Variants in USP32 observed in about 807,000 individuals in gnomAD.
USP32 encodes the protein ubiquitin carboxyl-terminal hydrolase 32.
In USP32, 59 loss-of-function variants were observed where a neutral mutation model predicts 204.8. The observed-to-expected ratio is 0.29, with a 90% CI of 0.23 to 0.36. USP32 has a LOEUF of 0.36. Among genes scored for constraint, USP32 ranks in the 10% least tolerant of loss-of-function variants. USP32 has a pLI of 1.00. For missense variants in USP32, 1,160 were observed against 1,946.4 expected (o/e 0.60, Z 7.60); for synonymous variants, 517 against 678.4 (o/e 0.76, Z 3.70).
intron 1 of USP32, among the ~76,000 whole-genome samples, chr17:60,420,395 C>T (rs2090101306): frequency 6.6e-6 from 1 of 152,082 alleles, no homozygotes; most frequent in African/African-American, 2.4e-5. Context: ...TGGCCGGACG[C>T]GGTGGCTCAC....
Position 60,271,436 on chromosome 17 carries a change from A to G in USP32, c.617T>C (p.Leu206Ser). The change falls in exon 6 of 34, where the codon TTG (leucine) becomes TCG (serine). Residue 206 changes from leucine (L) to serine (S), a missense_variant. This residue lies in a region of USP32 where 536 missense variants were observed against 680.9 expected (regional missense o/e 0.79). Coordinates refer to ENST00000300896, the MANE Select transcript of USP32 (RefSeq NM_032582.4). ...TCGTCCAGTCCGGGATTGAGCCTTC[A>G]ATAACCAATAGCGTTTCTCAAGATC... ...IIDLEKRYWL[L>S]KAQSRTGRFD... The G allele has an allele frequency of 1.2e-6, 2 of 1,614,180 alleles. No individual in the cohort carries two copies. The highest frequency in any genetic ancestry group is 1.1e-5 in the South Asian group (1 of 91,090).
At chr17:60,289,170 G>T (rs1049073462) in intron 4 of USP32, among the ~76,000 whole-genome samples, 3 of 152,038 alleles carry the variant, frequency 2.0e-5, no homozygotes, top group Admixed American at 2.0e-4. Flanking sequence ...ACCACGCCCG[G>T]CTAATTTTTT....
At chr17:60,219,523 A>G in intron 16 of USP32, 147 bp downstream of exon 16, 1 of 1,124,344 alleles carries the variant, frequency 8.9e-7, no homozygotes, top group South Asian at 1.6e-5. Context: ...ATGTGTATCA[A>G]TACAGTGGCA....
chr17:60,220,646 CCTT>C (rs1270512644), intron 15 of USP32, among the ~76,000 whole-genome samples: 66 of 151,054 alleles, frequency 4.4e-4, no homozygotes, highest in Admixed American at 3.7e-3. Flanking sequence ...CACTGAAACT[CCTT>C]TTTTTTTTTT....
intron 1 of USP32, among the ~76,000 whole-genome samples, chr17:60,372,985 C>A (rs547741453): frequency 6.6e-6 from 1 of 151,574 alleles, no homozygotes; most frequent in African/African-American, 2.4e-5. Context: ...GCTAACATAG[C>A]GAGGTCTCTA....
At chr17:60,270,215 C>T (rs1165039363) in intron 6 of USP32, among the ~76,000 whole-genome samples, 1 of 152,050 alleles carries the variant, frequency 6.6e-6, no homozygotes, top group Admixed American at 6.6e-5. Context: ...TACATCAATC[C>T]CAATTCTAAA....
At position 60,244,029 on chromosome 17, in the gene USP32, G is replaced by GTTTTTTTTTTTTTTT. The variant is rs34842511; in HGVS notation, c.1137-7804_1137-7790dup. Among the ~76,000 whole-genome samples the GTTTTTTTTTTTTTTT allele has an allele frequency of 3.8e-4, 27 of 71,690 alleles. 2 individuals carry two copies. The highest frequency in any genetic ancestry group is 1.9e-3 in the African/African-American group (27 of 14,178). The allele number at this position is 71,690 out of a possible 152,430, so 47.0% of individuals were successfully genotyped here. On this transcript the variant is annotated intron_variant, in intron 11 of 33. Coordinates refer to ENST00000300896, the MANE Select transcript of USP32 (RefSeq NM_032582.4). ...TTTGAATCTCAAGTAGCTGGATTGTGTTTTTTTTTTTTTTTTTTTTTTTTG... is the reference window on the plus strand; with the variant it reads ...TTTGAATCTCAAGTAGCTGGATTGTGTTTTTTTTTTTTTTTTTTTTTTTTTTTTTTTTTTTTTTTG...
At chr17:60,232,275 C>T (rs750974053) in intron 12 of USP32, among the ~76,000 whole-genome samples, 15 of 143,582 alleles carry the variant, frequency 1.0e-4, no homozygotes, top group Non-Finnish European at 2.2e-4. Context: ...TGGGTTTAAG[C>T]GATTCTCCTG....
chr17:60,207,061 G>A lies in USP32; in HGVS notation c.2997C>T (p.Val999=). 3 of 1,613,186 alleles carry A rather than the reference G, an allele frequency of 1.9e-6. No homozygotes were observed. The African/African-American group carries it at 4.0e-5, about 22-fold the overall frequency. ...SGFLCAFEIP[V]PVSPISASSP... ...TAGAAGCTGAAATTGGAGACACAGG[G>A]ACAGGAATTTCAAATGCACACAAAA... The change falls in exon 25 of 34, where the codon GTC becomes GTT. Residue 999 remains valine (V), a synonymous_variant. Coordinates refer to ENST00000300896, the MANE Select transcript of USP32 (RefSeq NM_032582.4).
chr17:60,349,052 A>C (rs1439203876), intron 1 of USP32, among the ~76,000 whole-genome samples: 1 of 151,982 alleles, frequency 6.6e-6, no homozygotes, highest in African/African-American at 2.4e-5. Context: ...GTAACAAATT[A>C]GGTTGTTCAC....
intron 5 of USP32, among the ~76,000 whole-genome samples, chr17:60,279,743 G>C (rs1021502440): frequency 1.3e-5 from 2 of 150,798 alleles, no homozygotes; most frequent in East Asian, 2.0e-4. Context: ...AGGCTGAGGT[G>C]GGGGGATCAC....
chr17:60,290,763 A>G (rs1567831568), intron 4 of USP32, among the ~76,000 whole-genome samples: 1 of 152,106 alleles, frequency 6.6e-6, no homozygotes, highest in Non-Finnish European at 1.5e-5. Flanking sequence ...CTGGGAAAAA[A>G]AAAAAGAAAA....
At chr17:60,389,539 T>C (rs1429672678) in intron 1 of USP32, among the ~76,000 whole-genome samples, 2 of 149,706 alleles carry the variant, frequency 1.3e-5, no homozygotes, top group African/African-American at 4.9e-5. Flanking sequence ...CGAGACTCTG[T>C]CTCGAGAAAA....
intron 9 of USP32, chr17:60,258,330 G>T: frequency 5.3e-6 from 1 of 187,508 alleles, no homozygotes; most frequent in East Asian, 1.4e-4. Flanking sequence ...AAGCAAACTG[G>T]GAAGCTCAAC....
chr17:60,277,298 G>C (rs563276905), intron 5 of USP32, among the ~76,000 whole-genome samples: 36 of 152,144 alleles, frequency 2.4e-4, no homozygotes, highest in Non-Finnish European at 2.9e-4. Context: ...TTTAATGCCA[G>C]AAGTCAATCC....
chr17:60,387,600 A>G (rs929293381), intron 1 of USP32, among the ~76,000 whole-genome samples: 1 of 152,226 alleles, frequency 6.6e-6, no homozygotes, highest in Admixed American at 6.5e-5. Context: ...CACAAGTTAG[A>G]ACTATAAACA....
chr17:60,308,976 A>G (rs1056568637), intron 2 of USP32, among the ~76,000 whole-genome samples: 1 of 152,154 alleles, frequency 6.6e-6, no homozygotes, highest in African/African-American at 2.4e-5. Flanking sequence ...CATACACAAA[A>G]AATCAAATCA....
intron 7 of USP32, among the ~76,000 whole-genome samples, chr17:60,268,922 A>G (rs1199749656): frequency 2.6e-5 from 4 of 152,180 alleles, no homozygotes; most frequent in African/African-American, 4.8e-5. Flanking sequence ...AAATGCCTGC[A>G]TTTTTACAAA....
At position 60,297,393 on chromosome 17, in the gene USP32, C is replaced by CTCAA. The variant is rs375707036; in HGVS notation, c.293-2596_293-2593dup. 1.3e-4 allele frequency among the ~76,000 whole-genome samples: 20 copies of CTCAA among 152,056 alleles called. 1 individual carries two copies. In the East Asian group the frequency reaches 3.7e-3, roughly 28 times the overall value. ...ACTGGGAGACAGAATAAAACCCTGTCTCAATCAATCAATCAATAAACTATG... is the reference window on the plus strand; with the variant it reads ...ACTGGGAGACAGAATAAAACCCTGTCTCAATCAATCAATCAATCAATAAACTATG... On this transcript the variant is annotated intron_variant, in intron 3 of 33. Coordinates refer to ENST00000300896, the MANE Select transcript of USP32 (RefSeq NM_032582.4).
Sources: gnomAD v4.1 joint callset for allele counts (sites outside exome capture counted in the v4.1 genomes callset) on GRCh38, gnomAD v4.1.1 for gene constraint, gnomAD v4.1.1 regional missense constraint, MANE v1.5 for transcripts, NCBI Gene and HGNC (gene_info 2026-07-23, HGNC 2026-07-21) for gene names.